TASP1: variants seen among roughly 807,000 people sequenced by gnomAD.
The protein encoded by TASP1 is threonine aspartase 1.
Under a neutral mutation model 56.6 loss-of-function variants are expected in TASP1, and 16 were observed. The ratio of observed to expected loss-of-function variants is 0.28; its 90% CI spans 0.19 to 0.43. The LOEUF is 0.43. TASP1 is among the 20% of genes least tolerant of loss of function. The probability of loss-of-function intolerance (pLI) is 1.00; values close to 1 mark genes in which losing one functional copy is unlikely to be tolerated. For synonymous variants in TASP1, 179 were observed against 184.2 expected (o/e 0.97, Z 0.23); for missense variants, 393 against 511.6 (o/e 0.77, Z 2.24).
intron 13 of TASP1, among the ~76,000 whole-genome samples, chr20:13,397,566 C>A (rs2041588657): frequency 1.3e-5 from 2 of 152,178 alleles, no homozygotes; most frequent in Admixed American, 1.3e-4. Context: ...AAGGAGGATT[C>A]TAAATCTGGC....
At chr20:13,311,240 AGAT>A in the TASP1 span, among the ~76,000 whole-genome samples, 5,843 of 113,890 alleles carry the variant, frequency 0.051, 161 homozygotes, top group African/African-American at 0.097. Flanking sequence ...ATAGATAGAT[AGAT>A]GATAGATAGA....
chr20:13,536,729 C>A (rs1398203914), intron 8 of TASP1, among the ~76,000 whole-genome samples: 2 of 152,048 alleles, frequency 1.3e-5, no homozygotes, highest in Non-Finnish European at 2.9e-5. Flanking sequence ...TCAGTCCTAC[C>A]AGATAAGGAT....
intron 10 of TASP1, among the ~76,000 whole-genome samples, chr20:13,528,219 C>CAA (rs397942980): frequency 0.01 from 553 of 54,128 alleles, 22 homozygotes; most frequent in African/African-American, 0.014. Context: ...GACTCTGACT[C>CAA]AAAAAAAAAA....
the TASP1 span, among the ~76,000 whole-genome samples, chr20:13,180,031 C>T: frequency 2.6e-5 from 4 of 152,242 alleles, no homozygotes; most frequent in East Asian, 7.7e-4. Flanking sequence ...CATCACTCAT[C>T]CAGACTGTAG....
At chr20:13,375,440 TCCATGGTGTATATGTG>T in the TASP1 span, among the ~76,000 whole-genome samples, 25 of 152,358 alleles carry the variant, frequency 1.6e-4, no homozygotes, top group African/African-American at 4.8e-4. Flanking sequence ...TGCACAGTAT[TCCATGGTGTATATGTG>T]CCACATTTTC....
At chr20:13,278,400 T>C in the TASP1 span, among the ~76,000 whole-genome samples, 3 of 152,132 alleles carry the variant, frequency 2.0e-5, no homozygotes, top group African/African-American at 7.2e-5. Flanking sequence ...GAAAGCCTCG[T>C]CTTGAGGAGC....
chr20:13,413,375 ATTTTT>A (rs543473996), intron 13 of TASP1, among the ~76,000 whole-genome samples: 24 of 148,956 alleles, frequency 1.6e-4, no homozygotes, highest in African/African-American at 5.9e-4. Flanking sequence ...TGTTGAGTAA[ATTTTT>A]TTTTTTAAGA....
At chr20:13,248,285 C>T in the TASP1 span, among the ~76,000 whole-genome samples, 1 of 152,188 alleles carries the variant, frequency 6.6e-6, no homozygotes, top group Non-Finnish European at 1.5e-5. Flanking sequence ...TATCCAGCAG[C>T]AGGTGAGTAT....
At chr20:13,392,957 T>C in intron 13 of TASP1, 1 of 604,108 alleles carries the variant, frequency 1.7e-6, no homozygotes, top group Non-Finnish European at 3.1e-6. Flanking sequence ...GCTGAGTACA[T>C]TATGGAGCCC....
At chr20:13,293,207 CAAA>C in the TASP1 span, among the ~76,000 whole-genome samples, 7 of 87,442 alleles carry the variant, frequency 8.0e-5, no homozygotes, top group Admixed American at 2.6e-4. Flanking sequence ...GACTCCGTCT[CAAA>C]AAAAAAAAAA....
At chr20:13,587,579 C>T (rs199560343) in intron 4 of TASP1, among the ~76,000 whole-genome samples, 13 of 119,368 alleles carry the variant, frequency 1.1e-4, no homozygotes, top group African/African-American at 3.3e-4. Context: ...ACCAAAAAAA[C>T]ATCAAAGAAA....
the TASP1 span, among the ~76,000 whole-genome samples, chr20:13,301,935 T>C: frequency 1.3e-5 from 2 of 152,152 alleles, no homozygotes; most frequent in Non-Finnish European, 2.9e-5. Flanking sequence ...TTGGTTCTAA[T>C]GAAGGAGTGG....
chr20:13,150,259 C>T, the TASP1 span, among the ~76,000 whole-genome samples: 1 of 152,098 alleles, frequency 6.6e-6, no homozygotes, highest in African/African-American at 2.4e-5. Flanking sequence ...ATTTCTAGTT[C>T]TGCACTTCCA....
the TASP1 span, among the ~76,000 whole-genome samples, chr20:13,133,834 G>T: frequency 6.6e-6 from 1 of 152,292 alleles, no homozygotes; most frequent in African/African-American, 2.4e-5. Flanking sequence ...TAAAAAGCAT[G>T]TAGTTCATGT....
At chr20:13,244,415 A>T in the TASP1 span, 1 of 151,672 alleles carries the variant, frequency 6.6e-6, no homozygotes, top group Non-Finnish European at 1.5e-5. Context: ...GCATAAGCTA[A>T]TGAAAATATA....
intron 2 of TASP1, among the ~76,000 whole-genome samples, chr20:13,626,334 C>T (rs527404168): frequency 7.9e-4 from 120 of 152,106 alleles, no homozygotes; most frequent in Non-Finnish European, 1.5e-3. Context: ...GGCTGGGGCA[C>T]GGGAATAGCT....
chr20:13,473,945 G>A (rs1265658114), intron 11 of TASP1, among the ~76,000 whole-genome samples: 3 of 152,144 alleles, frequency 2.0e-5, no homozygotes, highest in African/African-American at 7.2e-5. Flanking sequence ...GTGGTGGTAA[G>A]TGCCTGTAAT....
chr20:13,453,330 C>T (rs1040245074), intron 11 of TASP1, among the ~76,000 whole-genome samples: 1 of 152,074 alleles, frequency 6.6e-6, no homozygotes, highest in Non-Finnish European at 1.5e-5. Flanking sequence ...AAGACAGCAA[C>T]TGGTGGCCAA....
chr20:13,454,057 A>AG (rs1472519121), intron 11 of TASP1, among the ~76,000 whole-genome samples: 4 of 146,588 alleles, frequency 2.7e-5, no homozygotes, highest in Non-Finnish European at 5.9e-5. Context: ...CTAGGAATTG[A>AG]GGGGGAAAAA....
Sources: gnomAD v4.1 joint callset for allele counts (sites outside exome capture counted in the v4.1 genomes callset) on GRCh38, gnomAD v4.1.1 for gene constraint, MANE v1.5 for transcripts, NCBI Gene and HGNC (gene_info 2026-07-23, HGNC 2026-07-21) for gene names.